The following INPP5B variants were observed in gnomAD, a reference collection of about 807,000 sequenced individuals.
The protein encoded by INPP5B is inositol polyphosphate-5-phosphatase B.
A neutral mutation model predicts 118.5 loss-of-function variants in INPP5B; 90 were observed. The observed-to-expected ratio is 0.76, with a 90% CI of 0.64 to 0.90. The LOEUF is 0.90. Among genes scored for constraint, INPP5B ranks in the 40% least tolerant of loss-of-function variants. The probability of loss-of-function intolerance (pLI) is 0.00; values close to 1 mark genes in which losing one functional copy is unlikely to be tolerated. For missense variants in INPP5B, 984 were observed against 1,125.6 expected (o/e 0.87, Z 1.80); for synonymous variants, 385 against 418.9 (o/e 0.92, Z 0.99).
intron 23 of INPP5B, among the ~76,000 whole-genome samples, chr1:37,863,890 C>G (rs910616952): frequency 8.0e-5 from 12 of 150,408 alleles, no homozygotes; most frequent in African/African-American, 2.9e-4. Context: ...TCTCGGGTCA[C>G]TGCAGCCTCC....
chr1:37,946,230 G>T (rs751500337), intron 2 of INPP5B, 22 bp downstream of exon 2: 5 of 1,603,386 alleles, frequency 3.1e-6, no homozygotes, highest in Non-Finnish European at 4.3e-6. Flanking sequence ...GCTCAGGGCC[G>T]CAGTTAGCAC....
intron 7 of INPP5B, chr1:37,931,578 C>A (rs1413416516): frequency 6.5e-7 from 1 of 1,538,152 alleles, no homozygotes; most frequent in Non-Finnish European, 8.7e-7. Flanking sequence ...CCCGAGCGTC[C>A]ACTGGCCAAA....
intron 7 of INPP5B, among the ~76,000 whole-genome samples, chr1:37,914,660 T>G (rs1427360438): frequency 6.6e-6 from 1 of 152,190 alleles, no homozygotes; most frequent in Admixed American, 6.5e-5. Context: ...AGGAGTTATC[T>G]TCAAAAAACT....
At position 37,940,693 on chromosome 1, in the gene INPP5B, C is replaced by A; in HGVS notation, c.386G>T (p.Cys129Phe). ...RMFLHEVARA[C>F]PGFDSATRDP... ...GAGCCTGGGGTCTTACCTACCTGGA[C>A]AGGCCCTGGCAACTTCGTGGAGGAA... is the stretch of plus-strand genomic sequence containing the variant. Residue 129 changes from cysteine to phenylalanine, a missense_variant, in exon 6 of 24, where the codon TGT becomes TTT. Around this residue, in one of 2 missense-constraint regions of INPP5B, gnomAD observed 350 missense variants for 334.6 expected, o/e 1.05. Transcript: ENST00000373024. 1.9e-6 allele frequency: 3 copies of A among 1,610,348 alleles called. No homozygotes were observed. The highest frequency in any genetic ancestry group is 2.5e-6 in the Non-Finnish European group (3 of 1,176,642).
intron 5 of INPP5B, among the ~76,000 whole-genome samples, chr1:37,942,870 C>T (rs112134638): frequency 3.4e-4 from 49 of 142,836 alleles, no homozygotes; most frequent in Non-Finnish European, 5.7e-4. Flanking sequence ...GATCATGCCA[C>T]TGTACTCCAG....
intron 19 of INPP5B, chr1:37,869,848 C>T (rs971850218): frequency 6.6e-6 from 1 of 151,998 alleles, no homozygotes; most frequent in Non-Finnish European, 1.5e-5. Context: ...CCCCTGTTTT[C>T]ATCTATATGA....
intron 16 of INPP5B, among the ~76,000 whole-genome samples, chr1:37,877,761 A>T (rs1642931721): frequency 6.6e-6 from 1 of 152,202 alleles, no homozygotes; most frequent in African/African-American, 2.4e-5. Flanking sequence ...ATACTTTGCA[A>T]CCTTTAAAAA....
At chr1:37,910,515 C>G (rs953629922) in intron 7 of INPP5B, among the ~76,000 whole-genome samples, 1 of 152,054 alleles carries the variant, frequency 6.6e-6, no homozygotes, top group African/African-American at 2.4e-5. Context: ...TTCACATCCT[C>G]TCCTTGTATC....
chr1:37,916,222 T>C (rs1170756685), intron 7 of INPP5B, among the ~76,000 whole-genome samples: 1 of 151,906 alleles, frequency 6.6e-6, no homozygotes, highest in Admixed American at 6.6e-5. Flanking sequence ...GCCTCCCAAG[T>C]AGCTAGGATT....
At position 37,890,651 on chromosome 1, in the gene INPP5B, GAA is replaced by G. The variant is rs1643789805; in HGVS notation, c.629+705_629+706del. Among the ~76,000 whole-genome samples the G allele has an allele frequency of 2.6e-5, 4 of 151,964 alleles. No homozygotes were observed. The South Asian group carries it at 8.3e-4, about 32-fold the overall frequency. On this transcript the variant is annotated intron_variant, in intron 8 of 23. Transcript: ENST00000373024. ...AGTCAGGAAAGAGTAAATAAAACAG[GAA>G]AAAAAGTCACTTCAGAGTCAGGAAA...
chr1:37,883,482 T>C (rs1322254905), intron 13 of INPP5B: 1 of 985,348 alleles, frequency 1.0e-6, no homozygotes, highest in Non-Finnish European at 1.2e-6. Context: ...TTCCTTCTGC[T>C]GCTTTGGGAA....
chr1:37,866,698 G>A lies in INPP5B; in HGVS notation c.2302-155C>T, dbSNP rs186075750. On this transcript the variant is annotated intron_variant, in intron 20 of 23. Transcript: ENST00000373024. ...ATGATCTGATTTAGGCTGATGTGGCGAATTCATCTTGCAGGCCTTCCCTGG... is the reference window on the plus strand; with the variant it reads ...ATGATCTGATTTAGGCTGATGTGGCAAATTCATCTTGCAGGCCTTCCCTGG... 4.1e-4 allele frequency among the ~76,000 whole-genome samples: 62 copies of A among 152,236 alleles called. 2 individuals carry two copies. The East Asian group carries it at 9.4e-3, about 23-fold the overall frequency.
intron 7 of INPP5B, among the ~76,000 whole-genome samples, chr1:37,916,498 C>A (rs1570283339): frequency 1.3e-5 from 2 of 151,446 alleles, no homozygotes; most frequent in South Asian, 4.2e-4. Flanking sequence ...CTCACCACAA[C>A]CTCTGCCTCC....
In INPP5B at chr1:37,886,639, G is replaced by T. The variant is rs1258919350; in HGVS notation, c.1131+249C>A. Among the ~76,000 whole-genome samples the T allele has an allele frequency of 2.6e-5, 4 of 152,350 alleles. 1 individual carries two copies. The East Asian group carries it at 5.8e-4, about 22-fold the overall frequency. The stretch of plus-strand genomic sequence containing the variant: ...CTGCAACATACTTCATGGGTGAAAT[G>T]GGAGGATCAACTGGAGGCTCTAGTG... On this transcript the variant is annotated intron_variant, in intron 12 of 23. Coordinates refer to ENST00000373024, the MANE Select transcript of INPP5B (RefSeq NM_005540.3).
At chr1:37,881,651 A>G (rs1643204968) in intron 14 of INPP5B, among the ~76,000 whole-genome samples, 2 of 152,240 alleles carry the variant, frequency 1.3e-5, no homozygotes, top group African/African-American at 4.8e-5. Flanking sequence ...GGGTACAACT[A>G]CTTCAGGAAA....
chr1:37,945,144 T>C (rs932574596), intron 3 of INPP5B, among the ~76,000 whole-genome samples: 3 of 151,814 alleles, frequency 2.0e-5, no homozygotes, highest in Non-Finnish European at 2.9e-5. Flanking sequence ...AAAAAGATCA[T>C]GTGAGGCTGG....
At chr1:37,923,130 G>A (rs1198626008) in intron 7 of INPP5B, among the ~76,000 whole-genome samples, 1 of 152,142 alleles carries the variant, frequency 6.6e-6, no homozygotes, top group African/African-American at 2.4e-5. Flanking sequence ...AATTGTATGG[G>A]TCTCTACAAT....
At chr1:37,920,832 C>A (rs551057730) in intron 7 of INPP5B, among the ~76,000 whole-genome samples, 19 of 150,520 alleles carry the variant, frequency 1.3e-4, no homozygotes, top group Admixed American at 2.6e-4. Context: ...CTCGGCCAGG[C>A]GCGGTGGCTC....
rs1263964721 is a variant in INPP5B, at chr1:37,860,830, CATTTT to C, written c.*1480_*1484del. On this transcript the variant is annotated 3_prime_UTR_variant, in exon 24 of 24. Coordinates refer to ENST00000373024, the MANE Select transcript of INPP5B (RefSeq NM_005540.3). ...AACACTCATTTTTTCAGTGATTTTA[CATTTT>C]ATTTTTAGAGACGGGGTCTCCCTCT... The C allele has an allele frequency of 2.0e-5, 3 of 152,350 alleles. No homozygotes were observed. Among genetic ancestry groups the C allele is most frequent in the Admixed American group, 6.5e-5 (1 of 15,288 alleles). 9.4% of individuals were successfully genotyped at this position (152,350 alleles called of 1,614,324 possible).
Sources: allele counts gnomAD v4.1 joint callset (sites outside exome capture counted in the v4.1 genomes callset), GRCh38; gene constraint gnomAD v4.1.1; regional missense constraint gnomAD v4.1.1; transcripts MANE v1.5; gene names NCBI Gene and HGNC (gene_info 2026-07-23, HGNC 2026-07-21).